STARD13: variants seen among roughly 807,000 people sequenced by gnomAD.
The protein encoded by STARD13 is StAR related lipid transfer domain containing 13.
Under a neutral mutation model 106.4 loss-of-function variants are expected in STARD13, and 62 were observed. The observed-to-expected ratio is 0.58, with a 90% CI of 0.48 to 0.72. The LOEUF (loss-of-function observed/expected upper bound fraction) is 0.72, where lower values mean the gene tolerates loss of function less well. Among genes scored for constraint, STARD13 ranks in the 30% least tolerant of loss-of-function variants. The probability of loss-of-function intolerance (pLI) is 0.00; values close to 1 mark genes in which losing one functional copy is unlikely to be tolerated. For missense variants in STARD13, 1,387 were observed against 1,424.0 expected (o/e 0.97, Z 0.42); for synonymous variants, 565 against 553.0 (o/e 1.02, Z -0.31).
chr13:33,617,137 G>C, the STARD13 span, among the ~76,000 whole-genome samples: 12 of 152,256 alleles, frequency 7.9e-5, no homozygotes, highest in African/African-American at 7.2e-5. Flanking sequence ...ATTTGGTTTT[G>C]ATTTTTAAAA....
chr13:33,500,031 G>A, the STARD13 span, among the ~76,000 whole-genome samples: 1 of 151,890 alleles, frequency 6.6e-6, no homozygotes, highest in Non-Finnish European at 1.5e-5. Context: ...TGGGATTACA[G>A]GCCACTGTGC....
chr13:33,180,189 T>C (rs548566568), intron 1 of STARD13, among the ~76,000 whole-genome samples: 2 of 152,350 alleles, frequency 1.3e-5, no homozygotes, highest in Admixed American at 1.3e-4. Flanking sequence ...GATGTGACAC[T>C]TTGGATATGT....
At chr13:33,157,237 A>G (rs933781059) in intron 3 of STARD13, among the ~76,000 whole-genome samples, 1 of 152,162 alleles carries the variant, frequency 6.6e-6, no homozygotes, top group Non-Finnish European at 1.5e-5. Flanking sequence ...AATGATACGT[A>G]TACTGTATAA....
chr13:33,482,995 C>G, the STARD13 span, among the ~76,000 whole-genome samples: 1 of 152,172 alleles, frequency 6.6e-6, no homozygotes, highest in African/African-American at 2.4e-5. Flanking sequence ...TTTGGGGACA[C>G]CCTGGACCAC....
At chr13:33,414,937 T>G in the STARD13 span, among the ~76,000 whole-genome samples, 38 of 152,306 alleles carry the variant, frequency 2.5e-4, no homozygotes, top group African/African-American at 9.1e-4. Flanking sequence ...TAGGAATCGT[T>G]GGGGTAGAAT....
intron 1 of STARD13, among the ~76,000 whole-genome samples, chr13:33,262,607 G>A (rs1406686270): frequency 6.8e-6 from 1 of 147,114 alleles, no homozygotes; most frequent in African/African-American, 2.6e-5. Context: ...TGTGGGATAA[G>A]ATCTTACTTC....
chr13:33,515,461 G>A, the STARD13 span, among the ~76,000 whole-genome samples: 20 of 152,254 alleles, frequency 1.3e-4, no homozygotes, highest in East Asian at 3.9e-3. Context: ...ACTTTTGTCC[G>A]TGTTCTCCAA....
chr13:33,177,353 T>C (rs1884623233), intron 1 of STARD13, among the ~76,000 whole-genome samples: 2 of 152,292 alleles, frequency 1.3e-5, no homozygotes, highest in African/African-American at 4.8e-5. Flanking sequence ...CACAGTCAAA[T>C]CAAGGCAAAT....
At chr13:33,591,484 A>G in the STARD13 span, among the ~76,000 whole-genome samples, 3 of 152,250 alleles carry the variant, frequency 2.0e-5, no homozygotes, top group Non-Finnish European at 4.4e-5. Flanking sequence ...TATGCACAAG[A>G]AAGTTTTCTA....
At chr13:33,538,675 GAAT>G in the STARD13 span, among the ~76,000 whole-genome samples, 197 of 148,512 alleles carry the variant, frequency 1.3e-3, no homozygotes, top group Admixed American at 7.2e-3. Flanking sequence ...ATTTCATAAA[GAAT>G]TTCTGGGCAT....
At chr13:33,242,056 A>T (rs1217628005) in intron 1 of STARD13, among the ~76,000 whole-genome samples, 4 of 147,380 alleles carry the variant, frequency 2.7e-5, no homozygotes, top group African/African-American at 7.7e-5. Flanking sequence ...GGATGTAGGG[A>T]GCGCCTCTGC....
intron 1 of STARD13, among the ~76,000 whole-genome samples, chr13:33,220,959 G>C (rs1182798739): frequency 2.0e-5 from 3 of 152,128 alleles, no homozygotes; most frequent in Admixed American, 2.0e-4. Flanking sequence ...AGTTAGAGGA[G>C]TTCACAATAG....
the STARD13 span, among the ~76,000 whole-genome samples, chr13:33,446,417 G>C: frequency 4.0e-5 from 6 of 151,134 alleles, no homozygotes; most frequent in East Asian, 7.8e-4. Context: ...CGTGATGAAA[G>C]CTAAAAAGAA....
At position 33,126,151 on chromosome 13, in the gene STARD13, C is replaced by T. The variant is rs1368457030; in HGVS notation, c.2012G>A (p.Arg671Lys). ...ACTTTGAGGCAGGGGCTGTCCCGTT[C>T]TTTGGACGTGGACTATGAGAGGAAC... The part of the protein sequence containing the change: ...FGVPLIVHVQ[R>K]TGQPLPQSIQ... The change falls in exon 7 of 14, where the codon AGA (arginine) becomes AAA (lysine). Residue 671 changes from arginine to lysine, a missense_variant. By Grantham distance (26) the Arg-to-Lys change is conservative. Transcript: ENST00000336934. The T allele has an allele frequency of 1.9e-6, 3 of 1,614,042 alleles. No homozygotes were observed. Among genetic ancestry groups the T allele is most frequent in the East Asian group, 2.2e-5 (1 of 44,900 alleles).
intron 1 of STARD13, among the ~76,000 whole-genome samples, chr13:33,181,727 T>G (rs12875841): frequency 0.24 from 36,354 of 152,146 alleles, 5,103 homozygotes; most frequent in South Asian, 0.38. Flanking sequence ...CAGCAATGTC[T>G]GTGTATCTCG....
chr13:33,156,588 A>G (rs1279891624), intron 3 of STARD13, among the ~76,000 whole-genome samples: 1 of 152,152 alleles, frequency 6.6e-6, no homozygotes, highest in Non-Finnish European at 1.5e-5. Flanking sequence ...TCCTACTACC[A>G]TTTATTAGCT....
the STARD13 span, among the ~76,000 whole-genome samples, chr13:33,401,000 A>G: frequency 6.6e-6 from 1 of 152,250 alleles, no homozygotes; most frequent in African/African-American, 2.4e-5. Context: ...CATCAAAAAG[A>G]GAATGACTGT....
chr13:33,479,682 G>A, the STARD13 span, among the ~76,000 whole-genome samples: 1 of 152,158 alleles, frequency 6.6e-6, no homozygotes, highest in Non-Finnish European at 1.5e-5. Flanking sequence ...CCCAGTGTTG[G>A]AGGTGGCATC....
chr13:33,469,324 C>A, the STARD13 span, among the ~76,000 whole-genome samples: 1 of 152,112 alleles, frequency 6.6e-6, no homozygotes, highest in Non-Finnish European at 1.5e-5. Context: ...ACTAGATGGC[C>A]ACTTCCCATT....
Sources: allele counts gnomAD v4.1 joint callset (sites outside exome capture counted in the v4.1 genomes callset), GRCh38; gene constraint gnomAD v4.1.1; transcripts MANE v1.5; gene names NCBI Gene and HGNC (gene_info 2026-07-23, HGNC 2026-07-21).